LMAN2L: variants seen among roughly 807,000 people sequenced by gnomAD.
The protein encoded by LMAN2L is VIP36-like protein.
LMAN2L carries 30 observed loss-of-function variants against 44.3 expected under a neutral mutation model. That is an observed-to-expected ratio of 0.68 (90% CI 0.51 to 0.92). The LOEUF is 0.92. Ranked by LOEUF, LMAN2L falls within the 40% of genes least tolerant of loss-of-function variation. The pLI is 0.00. For missense variants in LMAN2L, 429 were observed against 446.1 expected (o/e 0.96, Z 0.35); for synonymous variants, 183 against 171.1 (o/e 1.07, Z -0.54).
intron 2 of LMAN2L, among the ~76,000 whole-genome samples, chr2:96,735,425 T>C (rs2078492660): frequency 1.3e-5 from 2 of 152,302 alleles, no homozygotes; most frequent in African/African-American, 4.8e-5. Flanking sequence ...AAGTACACAG[T>C]CAAAATGAAA....
rs2078598099 is a variant in LMAN2L, at chr2:96,739,882, C to T, written c.159G>A (p.Arg53=). The change falls in exon 1 of 8, where the codon CGG becomes CGA. Residue 53 remains arginine (R), a synonymous_variant. Transcript: ENST00000264963. ...GAGQTFEYLK[R]EHSLSKPYQG... ...GGTAGGGCTTCGACAGCGAGTGCTCCCGTTTCAAGTACTCGAACGTTTGAC... is the reference window on the plus strand; with the variant it reads ...GGTAGGGCTTCGACAGCGAGTGCTCTCGTTTCAAGTACTCGAACGTTTGAC... 1 of 1,614,018 alleles carries T rather than the reference C, an allele frequency of 6.2e-7. No homozygotes were observed. Among genetic ancestry groups the T allele is most frequent in the Admixed American group, 1.7e-5 (1 of 60,016 alleles).
chr2:96,722,099 C>G (rs1485983636), intron 4 of LMAN2L, among the ~76,000 whole-genome samples: 12 of 152,072 alleles, frequency 7.9e-5, no homozygotes. Context: ...TCCCGAGTAG[C>G]TGGGACCATA....
intron 4 of LMAN2L, among the ~76,000 whole-genome samples, chr2:96,731,869 C>A (rs1313838942): frequency 1.3e-5 from 2 of 151,808 alleles, no homozygotes; most frequent in African/African-American, 4.8e-5. Context: ...CCTGACTCAG[C>A]AACCTGAGTA....
At chr2:96,724,372 T>C (rs192762022) in intron 4 of LMAN2L, among the ~76,000 whole-genome samples, 12 of 152,322 alleles carry the variant, frequency 7.9e-5, no homozygotes, top group African/African-American at 2.9e-4. Context: ...GCCAGCTAAG[T>C]TTTTGAGAGG....
chr2:96,709,814 T>C (rs1478865450), intron 6 of LMAN2L, among the ~76,000 whole-genome samples: 3 of 152,222 alleles, frequency 2.0e-5, no homozygotes, highest in African/African-American at 7.2e-5. Flanking sequence ...AGGGATACCC[T>C]ATGGGCAGAG....
intron 3 of LMAN2L, 152 bp downstream of exon 3, chr2:96,734,257 C>T (rs946787836): frequency 3.1e-6 from 2 of 643,962 alleles, no homozygotes; most frequent in South Asian, 1.9e-5. Context: ...GACTCAGACC[C>T]GTTCTAGAGA....
At chr2:96,715,820 C>A (rs13410074) in intron 4 of LMAN2L, among the ~76,000 whole-genome samples, 1 of 152,196 alleles carries the variant, frequency 6.6e-6, no homozygotes, top group Non-Finnish European at 1.5e-5. Flanking sequence ...TTAGGGAGAC[C>A]TGAGTTCTAA....
intron 6 of LMAN2L, among the ~76,000 whole-genome samples, chr2:96,708,569 G>A (rs975330747): frequency 6.6e-6 from 1 of 152,228 alleles, no homozygotes; most frequent in Non-Finnish European, 1.5e-5. Context: ...AATCCCATAT[G>A]TTAAACCTTC....
In LMAN2L at chr2:96,739,848, C is replaced by T; in HGVS notation, c.187+6G>A. ...CTGCACGACCACCTCACCCTGGGCG[C>T]CTCACCCTGGTAGGGCTTCGACAGC... On this transcript the variant is annotated splice_donor_region_variant and intron_variant, in intron 1 of 7. Coordinates refer to ENST00000264963, the MANE Select transcript of LMAN2L (RefSeq NM_030805.4). 1 of 1,613,182 alleles carries T rather than the reference C, an allele frequency of 6.2e-7. No homozygotes were observed. The highest frequency in any genetic ancestry group is 8.5e-7 in the Non-Finnish European group (1 of 1,179,978).
intron 4 of LMAN2L, among the ~76,000 whole-genome samples, chr2:96,722,258 G>A (rs577448783): frequency 9.2e-5 from 14 of 152,152 alleles, no homozygotes; most frequent in South Asian, 2.1e-4. Context: ...GTGAGCCACC[G>A]CACCCGGCCT....
At chr2:96,733,701 C>A in intron 3 of LMAN2L, 100 bp from the exon 4 acceptor site, 1 of 895,282 alleles carries the variant, frequency 1.1e-6, no homozygotes, top group Non-Finnish European at 1.8e-6. Context: ...ATTCAAATGA[C>A]TCCCAAGCCT....
intron 4 of LMAN2L, among the ~76,000 whole-genome samples, chr2:96,719,479 T>C (rs752223238): frequency 2.6e-5 from 4 of 151,980 alleles, no homozygotes; most frequent in Non-Finnish European, 5.9e-5. Flanking sequence ...CTGAGTGTGG[T>C]GGCTCATGCC....
At chr2:96,717,256 A>G (rs2078058060) in intron 4 of LMAN2L, among the ~76,000 whole-genome samples, 1 of 151,992 alleles carries the variant, frequency 6.6e-6, no homozygotes, top group African/African-American at 2.4e-5. Context: ...AAAGAAAAGG[A>G]TGGCCAGGTG....
intron 4 of LMAN2L, among the ~76,000 whole-genome samples, chr2:96,725,444 C>CTTT (rs998623420): frequency 7.4e-6 from 1 of 136,024 alleles, no homozygotes; most frequent in Non-Finnish European, 1.6e-5. Flanking sequence ...ATTAAATTTT[C>CTTT]TTTTTTTTTT....
chr2:96,715,783 G>C (rs1203467252), intron 4 of LMAN2L, among the ~76,000 whole-genome samples: 1 of 152,188 alleles, frequency 6.6e-6, no homozygotes, highest in Non-Finnish European at 1.5e-5. Flanking sequence ...ATGGATTCTA[G>C]GCTAAAATTC....
chr2:96,729,808 A>G (rs1017774922), intron 4 of LMAN2L, among the ~76,000 whole-genome samples: 3 of 152,040 alleles, frequency 2.0e-5, no homozygotes, highest in South Asian at 2.1e-4. Context: ...GCCCGGCCTT[A>G]AATTTAGTTT....
rs1197830425 is a variant in LMAN2L, at chr2:96,711,713, C to T, written c.727G>A (p.Val243Ile). Residue 243 changes from valine to isoleucine, a missense_variant, in exon 6 of 8, where the codon GTC (valine) becomes ATC (isoleucine). By Grantham distance (29) the Val-to-Ile change is conservative. Coordinates refer to ENST00000264963, the MANE Select transcript of LMAN2L (RefSeq NM_030805.4). The stretch of plus-strand genomic sequence containing the variant: ...AAGTAGTAGCCGCGGGGCAGGCGGA[C>T]TCCGGGCACTTCAATGCAGTCCCTC... ...EWRDCIEVPG[V>I]RLPRGYYFGT... 2.5e-6 allele frequency: 4 copies of T among 1,614,184 alleles called. No individual in the cohort carries two copies. The highest frequency in any genetic ancestry group is 1.7e-6 in the Non-Finnish European group (2 of 1,180,026).
In LMAN2L at chr2:96,707,837, A is replaced by G. The variant is rs758376961; in HGVS notation, c.785-4T>C. On this transcript the variant is annotated splice_region_variant and splice_polypyrimidine_tract_variant and intron_variant, in intron 6 of 7. Transcript: ENST00000264963. ...AAGGAAATGACATCATGATTATCTGAAGAAAAATGGAAGAAGGATGACTTG... is the reference window on the plus strand; with the variant it reads ...AAGGAAATGACATCATGATTATCTGGAGAAAAATGGAAGAAGGATGACTTG... 6 of 1,613,444 alleles carry G rather than the reference A, an allele frequency of 3.7e-6. No homozygotes were observed. In the East Asian group the frequency reaches 1.1e-4, roughly 30 times the overall value.
At chr2:96,728,295 G>A (rs1262529072) in intron 4 of LMAN2L, among the ~76,000 whole-genome samples, 5 of 151,652 alleles carry the variant, frequency 3.3e-5, no homozygotes, top group African/African-American at 7.3e-5. Context: ...AGAGGAGATC[G>A]AGACCATCCT....
Sources: allele counts gnomAD v4.1 joint callset (sites outside exome capture counted in the v4.1 genomes callset), GRCh38; gene constraint gnomAD v4.1.1; transcripts MANE v1.5; gene names NCBI Gene and HGNC (gene_info 2026-07-23, HGNC 2026-07-21).